Variants in UBL3 observed in about 807,000 individuals in gnomAD.
The protein encoded by UBL3 is ubiquitin like 3, also known as ubiquitin-like protein 3.
UBL3 carries 6 observed loss-of-function variants against 18.4 expected under a neutral mutation model. The observed-to-expected ratio is 0.33, with a 90% confidence interval of 0.18 to 0.64. The LOEUF (loss-of-function observed/expected upper bound fraction) is 0.64. Among genes scored for constraint, UBL3 ranks in the 30% least tolerant of loss-of-function variants. The pLI, the probability that UBL3 is intolerant of heterozygous loss-of-function variation, is 0.76. For missense variants in UBL3, 109 were observed against 142.9 expected (o/e 0.76, Z 1.21); for synonymous variants, 49 against 46.6 (o/e 1.05, Z -0.21).
In UBL3 at chr13:29,849,582, CAA is replaced by C. The variant is rs756518692; in HGVS notation, c.-46_-45del. 1.2e-6 allele frequency: 2 copies of C among 1,611,152 alleles called. No homozygotes were observed. The highest frequency in any genetic ancestry group is 4.5e-5 in the East Asian group (2 of 44,870). ...CCCAGATGTTTACGAAAAAAACAAA[CAA>C]AGAAAAAAGAGCAGAAGTCTTCACG... On this transcript the variant is annotated 5_prime_UTR_variant, in exon 1 of 5. Transcript: ENST00000380680.
intron 1 of UBL3, among the ~76,000 whole-genome samples, chr13:29,839,079 TACAG>T (rs1879028729): frequency 6.6e-6 from 1 of 152,186 alleles, no homozygotes; most frequent in East Asian, 1.9e-4. Flanking sequence ...ACTAAAAACA[TACAG>T]ACAAATCCTC....
At chr13:29,844,385 T>A (rs966233661) in intron 1 of UBL3, among the ~76,000 whole-genome samples, 2 of 152,324 alleles carry the variant, frequency 1.3e-5, no homozygotes, top group South Asian at 2.1e-4. Context: ...ACAATCTATA[T>A]TAGGTGCCGA....
At chr13:29,842,830 A>G (rs1469668075) in intron 1 of UBL3, among the ~76,000 whole-genome samples, 1 of 152,224 alleles carries the variant, frequency 6.6e-6, no homozygotes, top group African/African-American at 2.4e-5. Flanking sequence ...AGCCCTCCTA[A>G]AAAGAGAATT....
In UBL3 at chr13:29,844,749, G is replaced by A. The variant is rs1021052351; in HGVS notation, c.27+4763C>T. ...CAAAGAGCACATTTACTAAGTATAT[G>A]CTTCAGTCTCCTAAAACATATTTAA... On this transcript the variant is annotated intron_variant, in intron 1 of 4. Coordinates refer to ENST00000380680, the MANE Select transcript of UBL3 (RefSeq NM_007106.4). 5.3e-5 allele frequency among the ~76,000 whole-genome samples: 8 copies of A among 152,104 alleles called. No individual in the cohort carries two copies. The East Asian group carries it at 1.5e-3, about 29-fold the overall frequency.
chr13:29,776,664 A>C (rs1002940157), intron 2 of UBL3, among the ~76,000 whole-genome samples: 2 of 151,894 alleles, frequency 1.3e-5, no homozygotes, highest in African/African-American at 4.8e-5. Flanking sequence ...CAAGGTCAAG[A>C]GATCGAGACC....
At chr13:29,789,221 A>G (rs1379518483) in intron 1 of UBL3, among the ~76,000 whole-genome samples, 1 of 152,180 alleles carries the variant, frequency 6.6e-6, no homozygotes, top group African/African-American at 2.4e-5. Context: ...TAATGGGCAT[A>G]GAGTTTCAGT....
chr13:29,796,756 G>C (rs546272830), intron 1 of UBL3, among the ~76,000 whole-genome samples: 19 of 152,128 alleles, frequency 1.2e-4, no homozygotes, highest in Non-Finnish European at 2.2e-4. Flanking sequence ...CAATCTTTTA[G>C]GTGATAAAAT....
At chr13:29,779,677 T>C (rs1272077294) in intron 1 of UBL3, among the ~76,000 whole-genome samples, 1 of 152,254 alleles carries the variant, frequency 6.6e-6, no homozygotes, top group South Asian at 2.1e-4. Context: ...CGACATGAGA[T>C]AAAGACCTGT....
intron 1 of UBL3, among the ~76,000 whole-genome samples, chr13:29,835,184 A>ATATATATCTC: frequency 1.1e-5 from 1 of 89,596 alleles, no homozygotes; most frequent in African/African-American, 4.4e-5. Context: ...ATATATATAT[A>ATATATATCTC]TCTCCACCCT....
At chr13:29,777,463 G>T in intron 1 of UBL3, 200 bp from the exon 2 acceptor site, 1 of 679,240 alleles carries the variant, frequency 1.5e-6, no homozygotes, top group Non-Finnish European at 2.7e-6. Context: ...TAAAGGGTGT[G>T]TGTGTGTGTC....
At chr13:29,776,338 T>C (rs972224915) in intron 2 of UBL3, among the ~76,000 whole-genome samples, 2 of 145,688 alleles carry the variant, frequency 1.4e-5, no homozygotes, top group Non-Finnish European at 3.0e-5. Flanking sequence ...TAATTGCTCA[T>C]GGCAGCCTCA....
chr13:29,800,041 G>A (rs932141653), intron 1 of UBL3, among the ~76,000 whole-genome samples: 6 of 152,096 alleles, frequency 3.9e-5, no homozygotes, highest in African/African-American at 1.4e-4. Flanking sequence ...GGAATAGGGG[G>A]ATGACTATAC....
intron 1 of UBL3, among the ~76,000 whole-genome samples, chr13:29,800,909 A>T (rs1052213838): frequency 2.6e-5 from 4 of 151,148 alleles, no homozygotes; most frequent in Admixed American, 2.6e-4. Context: ...ACTGACAGGG[A>T]CCCCCCCACG....
intron 1 of UBL3, among the ~76,000 whole-genome samples, chr13:29,827,215 G>A (rs1049913706): frequency 1.3e-5 from 2 of 152,176 alleles, no homozygotes; most frequent in African/African-American, 4.8e-5. Context: ...TTGGTGCAGA[G>A]CTGAGTTCAA....
chr13:29,774,883 C>G (rs553155016), intron 2 of UBL3, among the ~76,000 whole-genome samples: 42 of 152,034 alleles, frequency 2.8e-4, no homozygotes, highest in African/African-American at 9.6e-4. Flanking sequence ...GGTTTTAGTA[C>G]TCACGTGTGC....
intron 1 of UBL3, among the ~76,000 whole-genome samples, chr13:29,810,276 C>T (rs1878018130): frequency 6.6e-6 from 1 of 152,008 alleles, no homozygotes; most frequent in Non-Finnish European, 1.5e-5. Context: ...ATTGTCTGGG[C>T]TAGAAATACA....
chr13:29,780,348 T>C (rs1254869589), intron 1 of UBL3, among the ~76,000 whole-genome samples: 14 of 8,538 alleles, frequency 1.6e-3, no homozygotes, highest in Non-Finnish European at 3.6e-3. Context: ...AGCGAGACTC[T>C]GTCTCAAAAA....
At chr13:29,792,352 C>T (rs565123294) in intron 1 of UBL3, among the ~76,000 whole-genome samples, 1 of 152,178 alleles carries the variant, frequency 6.6e-6, no homozygotes, top group African/African-American at 2.4e-5. Context: ...GGAATACAAG[C>T]TCTGGAACAG....
chr13:29,821,864 T>A (rs905660292), intron 1 of UBL3, among the ~76,000 whole-genome samples: 2 of 152,210 alleles, frequency 1.3e-5, no homozygotes, highest in African/African-American at 4.8e-5. Context: ...ACAGTGGCTC[T>A]CAAGGAACAT....
Sources: allele counts gnomAD v4.1 joint callset (sites outside exome capture counted in the v4.1 genomes callset), GRCh38; gene constraint gnomAD v4.1.1; transcripts MANE v1.5; gene names NCBI Gene and HGNC (gene_info 2026-07-23, HGNC 2026-07-21).